Variants in NR5A2 observed in about 807,000 individuals in gnomAD.
NR5A2 encodes the protein CYP7A promoter-binding factor.
Under a neutral mutation model 62.7 loss-of-function variants are expected in NR5A2, and 26 were observed. The observed-to-expected ratio is 0.41, with a 90% CI of 0.30 to 0.58. The LOEUF (loss-of-function observed/expected upper bound fraction) is 0.58. NR5A2 is among the 20% of genes least tolerant of loss of function. NR5A2 has a pLI of 0.22. For synonymous variants in NR5A2, 246 were observed against 241.7 expected (o/e 1.02, Z -0.16); for missense variants, 541 against 669.1 (o/e 0.81, Z 2.11).
At chr1:200,088,685 C>A (rs1206988604) in intron 5 of NR5A2, among the ~76,000 whole-genome samples, 1 of 152,212 alleles carries the variant, frequency 6.6e-6, no homozygotes, top group Non-Finnish European at 1.5e-5. Flanking sequence ...CACCGTCCTA[C>A]CTTTTCTCAT....
At chr1:200,060,927 C>A (rs1450000988) in intron 5 of NR5A2, among the ~76,000 whole-genome samples, 1 of 143,002 alleles carries the variant, frequency 7.0e-6, no homozygotes, top group East Asian at 2.0e-4. Context: ...GATGGTGAAA[C>A]CCCATCTCTA....
intron 5 of NR5A2, among the ~76,000 whole-genome samples, chr1:200,101,092 A>G (rs929783394): frequency 3.9e-5 from 6 of 152,224 alleles, no homozygotes; most frequent in Non-Finnish European, 7.3e-5. Flanking sequence ...ATGTGACATT[A>G]TCCATATCTA....
chr1:200,041,674 G>C (rs1451085817), intron 2 of NR5A2, among the ~76,000 whole-genome samples: 1 of 152,010 alleles, frequency 6.6e-6, no homozygotes, highest in East Asian at 1.9e-4. Flanking sequence ...TCTTTGCCCC[G>C]ATGAGTTCGC....
At chr1:200,131,182 G>A (rs1019310448) in intron 7 of NR5A2, among the ~76,000 whole-genome samples, 9 of 152,120 alleles carry the variant, frequency 5.9e-5, no homozygotes, top group Non-Finnish European at 1.3e-4. Context: ...GCAAATAATG[G>A]CATATAAAGT....
At chr1:200,127,709 AATATATAT>A (rs71132667) in intron 7 of NR5A2, among the ~76,000 whole-genome samples, 3 of 23,188 alleles carry the variant, frequency 1.3e-4, no homozygotes, top group African/African-American at 2.0e-4. Context: ...AAAAAAAAAA[AATATATAT>A]ATATATATAT....
chr1:200,062,832 T>G (rs1663287736), intron 5 of NR5A2, among the ~76,000 whole-genome samples: 1 of 152,212 alleles, frequency 6.6e-6, no homozygotes, highest in Non-Finnish European at 1.5e-5. Context: ...CTGTATTAGC[T>G]AGTTAACACA....
intron 4 of NR5A2, among the ~76,000 whole-genome samples, chr1:200,045,843 G>A (rs1571708623): frequency 6.6e-6 from 1 of 152,100 alleles, no homozygotes; most frequent in East Asian, 1.9e-4. Context: ...GGGAGCAGAT[G>A]CATTAGACAC....
chr1:200,129,272 A>G (rs1158541387), intron 7 of NR5A2, among the ~76,000 whole-genome samples: 1 of 148,644 alleles, frequency 6.7e-6, no homozygotes, highest in Non-Finnish European at 1.5e-5. Flanking sequence ...ATACACACAC[A>G]CACTTCATTT....
At chr1:200,097,341 G>C (rs1665148613) in intron 5 of NR5A2, among the ~76,000 whole-genome samples, 1 of 152,106 alleles carries the variant, frequency 6.6e-6, no homozygotes, top group Admixed American at 6.6e-5. Flanking sequence ...AAGGGATACA[G>C]TTCTGTCTCT....
intron 5 of NR5A2, among the ~76,000 whole-genome samples, chr1:200,072,494 A>C (rs1198464595): frequency 1.3e-5 from 2 of 152,170 alleles, no homozygotes; most frequent in African/African-American, 4.8e-5. Flanking sequence ...ATCTTGTATA[A>C]AACTTGGAAA....
intron 7 of NR5A2, among the ~76,000 whole-genome samples, chr1:200,142,051 T>C (rs1163176291): frequency 6.6e-6 from 1 of 152,236 alleles, no homozygotes; most frequent in South Asian, 2.1e-4. Flanking sequence ...CTACTGTGTC[T>C]TCTAGTTTTT....
At chr1:200,130,781 C>A (rs1366420946) in intron 7 of NR5A2, among the ~76,000 whole-genome samples, 2 of 151,896 alleles carry the variant, frequency 1.3e-5, no homozygotes, top group Non-Finnish European at 2.9e-5. Context: ...ACATACTCAC[C>A]CACACACACA....
At chr1:200,065,179 CTCTG>C (rs1323747409) in intron 5 of NR5A2, among the ~76,000 whole-genome samples, 1 of 152,038 alleles carries the variant, frequency 6.6e-6, no homozygotes, top group African/African-American at 2.4e-5. Context: ...CAGAGTCTCA[CTCTG>C]TCACACAGGC....
chr1:200,035,733 T>C (rs866035963), intron 1 of NR5A2, among the ~76,000 whole-genome samples: 11 of 152,164 alleles, frequency 7.2e-5, no homozygotes, highest in African/African-American at 2.2e-4. Context: ...TCCTTCGTAA[T>C]TGCAACCGTC....
chr1:200,092,687 G>A (rs190707160), intron 5 of NR5A2, among the ~76,000 whole-genome samples: 126 of 146,508 alleles, frequency 8.6e-4, no homozygotes, highest in African/African-American at 3.1e-3. Flanking sequence ...TCTTGTGCTG[G>A]TATATCAGTT....
rs770447741 is a variant in NR5A2 at position 200,027,798 on chromosome 1, C to T, written c.-50C>T. On this transcript the variant is annotated 5_prime_UTR_variant, in exon 1 of 8. Transcript: ENST00000367362. ...TTTGACAAGCTGCACTTTTCTTTTG[C>T]TCAATGATTTCTGCTTTAAGCCAAA... 1 of 1,414,830 alleles carries T rather than the reference C, an allele frequency of 7.1e-7. No homozygotes were observed. Among genetic ancestry groups the T allele is most frequent in the East Asian group, 2.3e-5 (1 of 42,790 alleles). The allele number at this position is 1,414,830 out of a possible 1,614,324, so 87.6% of individuals were successfully genotyped here.
Position 200,147,468 on chromosome 1 carries a change from T to C in NR5A2, c.1379-26495T>C, listed in dbSNP as rs1667759915. 5.1e-6 allele frequency: 3 copies of C among 591,338 alleles called. No individual in the cohort carries two copies. The highest frequency in any genetic ancestry group is 9.8e-6 in the Non-Finnish European group (3 of 307,146). The allele number at this position is 591,338 out of a possible 1,614,324, so 36.6% of individuals were successfully genotyped here. On this transcript the variant is annotated intron_variant, in intron 7 of 7. Coordinates refer to ENST00000367362, the MANE Select transcript of NR5A2 (RefSeq NM_205860.3). This position sits in a 1 kb window ranked among gnomAD's most constrained non-coding sequence, Gnocchi z 4.9. ...CCTCCTCCAGTACACGGAGAGCTCT[T>C]TGAGGCAAGGGACAATTTGATCTGT...
At chr1:200,110,721 A>G (rs375235230) in intron 5 of NR5A2, among the ~76,000 whole-genome samples, 128 of 152,332 alleles carry the variant, frequency 8.4e-4, no homozygotes, top group African/African-American at 2.7e-3. Context: ...TATGGGCTGT[A>G]ATGCTAATTT....
chr1:200,095,545 A>G (rs532190682), intron 5 of NR5A2, among the ~76,000 whole-genome samples: 10 of 152,150 alleles, frequency 6.6e-5, no homozygotes, highest in Admixed American at 1.3e-4. Context: ...GTCCTTAACC[A>G]TCACCAAGTA....
Sources: gnomAD v4.1 joint callset for allele counts (sites outside exome capture counted in the v4.1 genomes callset) on GRCh38, gnomAD v4.1.1 for gene constraint, Gnocchi (gnomAD v3.1) non-coding constraint, MANE v1.5 for transcripts, NCBI Gene and HGNC (gene_info 2026-07-23, HGNC 2026-07-21) for gene names.